Variants in SLC5A2 observed in about 807,000 individuals in gnomAD.
SLC5A2 encodes the protein solute carrier family 5 member 2, also known as sodium/glucose cotransporter 2.
In SLC5A2, 67 loss-of-function variants were observed where a neutral mutation model predicts 69.0. The ratio of observed to expected loss-of-function variants is 0.97; its 90% CI spans 0.80 to 1.19. The LOEUF (loss-of-function observed/expected upper bound fraction) is 1.19, where lower values mean the gene tolerates loss of function less well. Among genes scored for constraint, SLC5A2 ranks in the 50% most tolerant of loss-of-function variants. The pLI is 0.00. For missense variants in SLC5A2, 1,001 were observed against 921.5 expected (o/e 1.09, Z -1.12); for synonymous variants, 455 against 395.8 (o/e 1.15, Z -1.78).
chr16:31,486,130 C>T, intron 4 of SLC5A2, 40 bp from the exon 5 acceptor site: 1 of 1,505,226 alleles, frequency 6.6e-7, no homozygotes, highest in South Asian at 1.1e-5. Flanking sequence ...GCTGGGGACA[C>T]TGCCCTGGGT....
intron 12 of SLC5A2, 65 bp from the exon 13 acceptor site, chr16:31,490,039 G>C (rs2082547909): frequency 2.5e-5 from 41 of 1,607,890 alleles, no homozygotes; most frequent in Non-Finnish European, 3.4e-5. Context: ...TGGTGTGCAA[G>C]AGACTTTAGG....
chr16:31,489,095 T>C, intron 11 of SLC5A2, 28 bp from the exon 12 acceptor site: 1 of 1,604,860 alleles, frequency 6.2e-7, no homozygotes. Context: ...TTGCACATCC[T>C]CAGCAGGCTG....
intron 1 of SLC5A2, among the ~76,000 whole-genome samples, chr16:31,483,515 C>T (rs1217888340): frequency 6.6e-6 from 1 of 152,140 alleles, no homozygotes; most frequent in East Asian, 1.9e-4. Context: ...AATGGGGTCT[C>T]ATTCCCCTGG....
At chr16:31,484,535 G>A in intron 1 of SLC5A2, 138 bp from the exon 2 acceptor site, 2 of 889,624 alleles carry the variant, frequency 2.2e-6, no homozygotes, top group Non-Finnish European at 3.7e-6. Context: ...GGAGGAGTTG[G>A]GGGTGGGAGT....
intron 10 of SLC5A2, 43 bp from the exon 11 acceptor site, chr16:31,488,837 G>C (rs760318617): frequency 1.0e-5 from 16 of 1,601,886 alleles, no homozygotes; most frequent in Non-Finnish European, 1.4e-5. Context: ...GCACCTGCAG[G>C]GGAGCCCAGG....
At chr16:31,485,349 C>A in intron 3 of SLC5A2, 1 of 444,852 alleles carries the variant, frequency 2.2e-6, no homozygotes. Flanking sequence ...GGAGATTGGG[C>A]TTTGAGCTCA....
At chr16:31,486,504 G>C (rs2082496875) in intron 5 of SLC5A2, among the ~76,000 whole-genome samples, 1 of 152,164 alleles carries the variant, frequency 6.6e-6, no homozygotes, top group African/African-American at 2.4e-5. Context: ...GCTTGAGTGA[G>C]GACTTTGAGA....
In SLC5A2 at chr16:31,487,598, G is replaced by A. The variant is rs2082507834; in HGVS notation, c.724G>A (p.Val242Met). Reference protein sequence around the residue: ...KYLGAATSLTVSEDPAVGNIS... With the variant: ...KYLGAATSLTMSEDPAVGNIS... ...CCTGGGAGCAGCGACTTCGCTGACG[G>A]TGTCCGAGGATCCAGCCGTGGGAAA... The change falls in exon 7 of 14, where the codon GTG (valine) becomes ATG (methionine). Residue 242 changes from valine (V) to methionine (M), a missense_variant. Val to Met is a conservative substitution (Grantham distance 21). Coordinates refer to ENST00000330498, the MANE Select transcript of SLC5A2 (RefSeq NM_003041.4). The A allele has an allele frequency of 6.2e-7, 1 of 1,613,926 alleles. No individual in the cohort carries two copies. The highest frequency in any genetic ancestry group is 8.5e-7 in the Non-Finnish European group (1 of 1,179,990).
chr16:31,484,270 A>C (rs1299320188), intron 1 of SLC5A2, among the ~76,000 whole-genome samples: 1 of 151,760 alleles, frequency 6.6e-6, no homozygotes, highest in Non-Finnish European at 1.5e-5. Flanking sequence ...ACACACACAC[A>C]AAAAGCTGGG....
chr16:31,488,898 C>T lies in SLC5A2; in HGVS notation c.1299C>T (p.Ile433=). 6.2e-7 allele frequency: 1 copy of T among 1,605,548 alleles called. No homozygotes were observed. The highest frequency in any genetic ancestry group is 1.1e-5 in the South Asian group (1 of 91,074). ...GCCGCAGGCTCTGGGTGGTGTTCAT[C>T]GTGGTAGTGTCGGTGGCCTGGCTTC... The part of the protein sequence containing the change: ...LLVGRLWVVF[I]VVVSVAWLPV... Residue 433 remains isoleucine (I), a synonymous_variant, in exon 11 of 14, where the codon ATC becomes ATT. Transcript: ENST00000330498.
intron 12 of SLC5A2, 112 bp from the exon 13 acceptor site, chr16:31,489,992 G>A (rs2082546906): frequency 1.4e-6 from 2 of 1,430,514 alleles, no homozygotes; most frequent in Non-Finnish European, 1.9e-6. Flanking sequence ...TGGGTGTGTA[G>A]ACTGGACAGA....
intron 9 of SLC5A2, 41 bp downstream of exon 9, chr16:31,488,531 A>G: frequency 6.2e-7 from 1 of 1,600,682 alleles, no homozygotes; most frequent in Non-Finnish European, 8.5e-7. Context: ...CTCGCTGCGG[A>G]GCCCGCTGCT....
rs61741237 is a variant in SLC5A2 at position 31,490,401 on chromosome 16, A to G, written c.1885A>G (p.Thr629Ala). 3.1e-3 allele frequency: 5,059 copies of G among 1,613,544 alleles called. 151 individuals carry two copies. In the African/African-American group the frequency reaches 0.059, roughly 19 times the overall value. The change falls in exon 14 of 14, where the codon ACC becomes GCC. Residue 629 changes from threonine to alanine, a missense_variant. By Grantham distance (58) the Thr-to-Ala change is moderately conservative (BLOSUM62 0). Coordinates refer to ENST00000330498, the MANE Select transcript of SLC5A2 (RefSeq NM_003041.4). ...RGGVGSPPPL[T>A]QEEAAAAARR... ...TGGGGTGGGCAGTCCTCCGCCCCTT[A>G]CCCAGGAGGAGGCAGCGGCAGCAGC...
rs1337762047 is a variant in SLC5A2 at position 31,488,785 on chromosome 16, C to A, written c.1280+13C>A. 1.9e-6 allele frequency: 3 copies of A among 1,597,078 alleles called. No homozygotes were observed. The highest frequency in any genetic ancestry group is 2.5e-6 in the Non-Finnish European group (3 of 1,176,794). On this transcript the variant is annotated intron_variant, in intron 10 of 13. Coordinates refer to ENST00000330498, the MANE Select transcript of SLC5A2 (RefSeq NM_003041.4). ...TGCTGGTGGGACGGTGCGGCCTGGGCTCCCCTCCTCCCCAACGGATCAGCC... is the reference window on the plus strand; with the variant it reads ...TGCTGGTGGGACGGTGCGGCCTGGGATCCCCTCCTCCCCAACGGATCAGCC...
chr16:31,490,177 G>C lies in SLC5A2; in HGVS notation c.1739G>C (p.Gly580Ala), dbSNP rs1303215089. Residue 580 changes from glycine to alanine, a missense_variant, in exon 13 of 14, where the codon GGC becomes GCC. Transcript: ENST00000330498. Reference sequence around the variant, plus strand: ...GACCTGGATGCTGATGAGCAGCAAGGCTCCTCACTCCCTGTACAGAATGGG... The same window carrying C: ...GACCTGGATGCTGATGAGCAGCAAGCCTCCTCACTCCCTGTACAGAATGGG... ...REDLDADEQQ[G>A]SSLPVQNGCP... The C allele has an allele frequency of 6.2e-7, 1 of 1,614,066 alleles. No individual in the cohort carries two copies. Among genetic ancestry groups the C allele is most frequent in the Non-Finnish European group, 8.5e-7 (1 of 1,180,046 alleles).
chr16:31,483,993 G>A (rs2082475051), intron 1 of SLC5A2, among the ~76,000 whole-genome samples: 1 of 152,136 alleles, frequency 6.6e-6, no homozygotes, highest in Non-Finnish European at 1.5e-5. Context: ...GGAGGCCAAG[G>A]TGGGAAGATT....
Position 31,487,642 on chromosome 16 carries a change from T to G in SLC5A2, c.768T>G (p.Tyr256Ter). ...TGGGAAACATCTCCAGCTTCTGCTA[T>G]CGACCCCGGCCCGACTCCTACCACC... Reference protein sequence around the residue: ...PAVGNISSFCYRPRPDSYHLL... With the variant: ...PAVGNISSFC The change falls in exon 7 of 14, where the codon TAT becomes TAG. Residue 256 changes from tyrosine (Y) to a stop codon, truncating the protein, a stop_gained. Transcript: ENST00000330498. LOFTEE classifies it high-confidence loss of function. 6.2e-7 allele frequency: 1 copy of G among 1,613,730 alleles called. No homozygotes were observed. The highest frequency in any genetic ancestry group is 2.2e-5 in the East Asian group (1 of 44,856).
intron 1 of SLC5A2, 57 bp from the exon 2 acceptor site, chr16:31,484,616 C>A: frequency 6.5e-7 from 1 of 1,539,372 alleles, no homozygotes; most frequent in Non-Finnish European, 8.9e-7. Flanking sequence ...GTTGAGGTGG[C>A]TGATGAGGTC....
chr16:31,485,002 A>G (rs1362008636), intron 3 of SLC5A2, 79 bp downstream of exon 3: 4 of 1,302,810 alleles, frequency 3.1e-6, no homozygotes, highest in Non-Finnish European at 4.4e-6. Flanking sequence ...AACTCCAGGA[A>G]AGGGGGAATG....
Sources: allele counts gnomAD v4.1 joint callset (sites outside exome capture counted in the v4.1 genomes callset), GRCh38; gene constraint gnomAD v4.1.1; transcripts MANE v1.5; gene names NCBI Gene and HGNC (gene_info 2026-07-23, HGNC 2026-07-21).